CR2: variants seen among roughly 807,000 people sequenced by gnomAD.
The protein encoded by CR2 is complement receptor type 2.
CR2 carries 96 observed loss-of-function variants against 123.0 expected under a neutral mutation model. The observed-to-expected ratio is 0.78, with a 90% CI of 0.66 to 0.93. The LOEUF is 0.93. CR2 is among the 40% of genes least tolerant of loss of function. The probability of loss-of-function intolerance (pLI) is 0.00; values close to 1 mark genes in which losing one functional copy is unlikely to be tolerated. For missense variants in CR2, 1,258 were observed against 1,361.0 expected (o/e 0.92, Z 1.19); for synonymous variants, 484 against 469.5 (o/e 1.03, Z -0.40).
chr1:207,463,023 T>C (rs928888740), intron 1 of CR2, among the ~76,000 whole-genome samples: 1 of 152,186 alleles, frequency 6.6e-6, no homozygotes, highest in African/African-American at 2.4e-5. Context: ...TAAGCAGGCC[T>C]GTCAGCAAGT....
chr1:207,472,661 C>A (rs991038709), intron 9 of CR2, 111 bp from the exon 10 acceptor site: 75 of 1,068,290 alleles, frequency 7.0e-5, no homozygotes, highest in Non-Finnish European at 1.0e-4. Context: ...TGAAAATGTA[C>A]CCATACCGTC....
chr1:207,485,710 T>C (rs1658730993), intron 19 of CR2, 138 bp downstream of exon 19: 2 of 646,678 alleles, frequency 3.1e-6, no homozygotes, highest in African/African-American at 3.6e-5. Context: ...GCATAGCAAT[T>C]GTTCATTTAC....
chr1:207,471,576 A>G (rs1572956029), intron 9 of CR2, 77 bp downstream of exon 9: 4 of 1,014,864 alleles, frequency 3.9e-6, no homozygotes, highest in Admixed American at 1.7e-5. Context: ...GTTTTGGGAC[A>G]TGTTATGAGA....
In CR2 at chr1:207,467,102, A is replaced by G. The variant is rs537576749; in HGVS notation, c.445+190A>G. On this transcript the variant is annotated intron_variant, in intron 2 of 19. Transcript: ENST00000367057. Reference sequence around the variant, plus strand: ...ATAACTGCTCGTTCAAAAAACATCAATTGAGCAAAGGAGTTTAAAGTACAT... The same window carrying G: ...ATAACTGCTCGTTCAAAAAACATCAGTTGAGCAAAGGAGTTTAAAGTACAT... 3.2e-4 allele frequency among the ~76,000 whole-genome samples: 49 copies of G among 152,338 alleles called. 1 individual carries two copies. The highest frequency in any genetic ancestry group is 8.4e-4 in the African/African-American group (35 of 41,582).
At chr1:207,485,104 G>A (rs910497071) in intron 18 of CR2, among the ~76,000 whole-genome samples, 4 of 152,094 alleles carry the variant, frequency 2.6e-5, no homozygotes, top group Non-Finnish European at 5.9e-5. Flanking sequence ...ACCAAACACC[G>A]TATGTTCTCA....
At position 207,468,508 on chromosome 1, in the gene CR2, C is replaced by A. The variant is rs764271765; in HGVS notation, c.446-19C>A. The A allele has an allele frequency of 1.2e-6, 2 of 1,613,018 alleles. No individual in the cohort carries two copies. Among genetic ancestry groups the A allele is most frequent in the Admixed American group, 1.7e-5 (1 of 59,894 alleles). On this transcript the variant is annotated intron_variant, in intron 2 of 19. Coordinates refer to ENST00000367057, the MANE Select transcript of CR2 (RefSeq NM_001006658.3). ...TGCATCATCTGACGGCTTTTTTTTC[C>A]TGGTATGTGTGTGTAAAGTTTTCCC... is the stretch of plus-strand genomic sequence containing the variant.
chr1:207,478,757 G>A (rs1448451855), intron 16 of CR2, among the ~76,000 whole-genome samples: 1 of 151,892 alleles, frequency 6.6e-6, no homozygotes, highest in Non-Finnish European at 1.5e-5. Context: ...AATTTGACAG[G>A]GAACTCCAGA....
intron 18 of CR2, among the ~76,000 whole-genome samples, chr1:207,483,260 G>C (rs6665881): frequency 0.41 from 61,727 of 151,876 alleles, 12,906 homozygotes; most frequent in Admixed American, 0.53. Context: ...CATTTACCCT[G>C]CCACCAGTGC....
chr1:207,466,396 A>T, intron 1 of CR2, 130 bp from the exon 2 acceptor site: 1 of 1,087,500 alleles, frequency 9.2e-7, no homozygotes, highest in Middle Eastern at 2.9e-4. Context: ...GCAGGGAATA[A>T]ATAAACTATA....
chr1:207,473,253 T>C, intron 10 of CR2, 74 bp downstream of exon 10: 4 of 1,556,232 alleles, frequency 2.6e-6, no homozygotes, highest in Non-Finnish European at 3.5e-6. Flanking sequence ...CACCCAAAAC[T>C]GCATCATGGA....
chr1:207,470,694 G>T (rs756071188), intron 6 of CR2, 46 bp from the exon 7 acceptor site: 16 of 1,581,288 alleles, frequency 1.0e-5, no homozygotes, highest in Middle Eastern at 3.3e-4. Flanking sequence ...TCTTTCTGTG[G>T]TTGTTTACTT....
chr1:207,473,080 A>G lies in CR2; in HGVS notation c.1879A>G (p.Thr627Ala). Residue 627 changes from threonine (T) to alanine (A), a missense_variant, in exon 10 of 20, where the codon ACA (threonine) becomes GCA (alanine). Coordinates refer to ENST00000367057, the MANE Select transcript of CR2 (RefSeq NM_001006658.3). ...EAPYFYNDTV[T>A]FKCYSGFTLK... ...CCCATATTTCTACAATGACACTGTG[A>G]CATTCAAGTGTTATAGTGGATTTAC... 6.2e-7 allele frequency: 1 copy of G among 1,614,008 alleles called. No individual in the cohort carries two copies. Among genetic ancestry groups the G allele is most frequent in the South Asian group, 1.1e-5 (1 of 91,082 alleles).
chr1:207,460,398 C>T (rs1396024779), intron 1 of CR2, among the ~76,000 whole-genome samples: 1 of 152,178 alleles, frequency 6.6e-6, no homozygotes, highest in Non-Finnish European at 1.5e-5. Flanking sequence ...GGGGTCACAG[C>T]TAAGGTCTGG....
intron 1 of CR2, among the ~76,000 whole-genome samples, chr1:207,456,177 C>T (rs558724381): frequency 1.3e-5 from 2 of 152,266 alleles, no homozygotes; most frequent in Admixed American, 6.5e-5. Context: ...GGGATCTCAC[C>T]GAAGCTCACA....
chr1:207,475,352 G>A, intron 14 of CR2, 136 bp downstream of exon 14: 1 of 943,140 alleles, frequency 1.1e-6, no homozygotes, highest in Non-Finnish European at 1.6e-6. Context: ...CAAGATATTT[G>A]CCTTTTCCTA....
Position 207,475,064 on chromosome 1 carries a change from G to A in CR2, c.2564G>A (p.Gly855Glu), listed in dbSNP as rs745514133. 1 of 1,613,278 alleles carries A rather than the reference G, an allele frequency of 6.2e-7. No individual in the cohort carries two copies. The highest frequency in any genetic ancestry group is 1.1e-5 in the South Asian group (1 of 91,034). Residue 855 changes from glycine to glutamate, a missense_variant, in exon 14 of 20, where the codon GGG (glycine) becomes GAG (glutamate). Transcript: ENST00000367057. Reference sequence around the variant, plus strand: ...TGCCCTAATCCAGAAGTCAAACATGGGTACAAGCTCAATAAAACACATTCT... The same window carrying A: ...TGCCCTAATCCAGAAGTCAAACATGAGTACAAGCTCAATAAAACACATTCT... Reference protein sequence around the residue: ...TRCPNPEVKHGYKLNKTHSAY... With the variant: ...TRCPNPEVKHEYKLNKTHSAY...
rs765552836 is a variant in CR2, at chr1:207,466,912, G to A, written c.445G>A (p.Val149Ile). 2.5e-6 allele frequency: 4 copies of A among 1,582,546 alleles called. No homozygotes were observed. In the Admixed American group the frequency reaches 5.5e-5, roughly 22 times the overall value. ...GPTRLPTCVS[V>I]FPLECPALPM... Reference sequence around the variant, plus strand: ...GACACGACTACCAACCTGTGTAAGTGGTGAGTATGAAAAGAAAGCTGGGTT... The same window carrying A: ...GACACGACTACCAACCTGTGTAAGTAGTGAGTATGAAAAGAAAGCTGGGTT... Residue 149 changes from valine to isoleucine, a missense_variant and splice_region_variant, in exon 2 of 20, where the codon GTT becomes ATT. By Grantham distance (29) the Val-to-Ile change is conservative. Coordinates refer to ENST00000367057, the MANE Select transcript of CR2 (RefSeq NM_001006658.3).
chr1:207,470,515 C>T (rs1047422719), intron 6 of CR2, among the ~76,000 whole-genome samples: 1 of 152,078 alleles, frequency 6.6e-6, no homozygotes, highest in Non-Finnish European at 1.5e-5. Flanking sequence ...GGAAAGTGAA[C>T]AACATCTGCA....
In CR2 at chr1:207,473,633, T is replaced by C. The variant is rs2102306483; in HGVS notation, c.2067T>C (p.Thr689=). 1 of 1,614,046 alleles carries C rather than the reference T, an allele frequency of 6.2e-7. No individual in the cohort carries two copies. The highest frequency in any genetic ancestry group is 8.5e-7 in the Non-Finnish European group (1 of 1,179,920). ...TCTCTGGGATGACTGTAGACTACAC[T>C]TGTGACCCTGGCTATTTGCTTGTGG... is the stretch of plus-strand genomic sequence containing the variant. ...FFVSGMTVDY[T]CDPGYLLVGN... The change falls in exon 11 of 20, where the codon ACT becomes ACC. Residue 689 remains threonine, a synonymous_variant. Coordinates refer to ENST00000367057, the MANE Select transcript of CR2 (RefSeq NM_001006658.3).
Sources: gnomAD v4.1 joint callset for allele counts (sites outside exome capture counted in the v4.1 genomes callset) on GRCh38, gnomAD v4.1.1 for gene constraint, MANE v1.5 for transcripts, NCBI Gene and HGNC (gene_info 2026-07-23, HGNC 2026-07-21) for gene names.